The following IPO11 variants were observed in gnomAD, a reference collection of about 807,000 sequenced individuals.
IPO11 encodes the protein importin 11, also known as importin-11.
A neutral mutation model predicts 143.2 loss-of-function variants in IPO11; 66 were observed. The observed-to-expected ratio is 0.46, with a 90% confidence interval of 0.38 to 0.57. The LOEUF is 0.57. Ranked by LOEUF, IPO11 falls within the 20% of genes least tolerant of loss-of-function variation. The probability of loss-of-function intolerance (pLI) is 0.00; values close to 1 mark genes in which losing one functional copy is unlikely to be tolerated. For synonymous variants in IPO11, 385 were observed against 377.8 expected, an observed-to-expected ratio of 1.02 and a Z score of -0.22; for missense variants, 1,026 against 1,141.0, an observed-to-expected ratio of 0.90 and a Z score of 1.45.
In IPO11 at chr5:62,529,734, T is replaced by C. The variant is rs769730893; in HGVS notation, c.2013-975T>C. On this transcript the variant is annotated intron_variant, in intron 21 of 29. Coordinates refer to ENST00000325324, the MANE Select transcript of IPO11 (RefSeq NM_016338.5). ...ATCAGGTTATTCCTTAGTTTTTAGT[T>C]TTTATAGCCAGTATTAGATTTTGAA... Among the ~76,000 whole-genome samples, 110 of 152,168 alleles carry C rather than the reference T, an allele frequency of 7.2e-4. 1 individual carries two copies. Among genetic ancestry groups the C allele is most frequent in the Non-Finnish European group, 1.4e-3 (96 of 68,034 alleles).
chr5:62,589,417 C>T (rs921510352), intron 27 of IPO11, among the ~76,000 whole-genome samples: 6 of 152,084 alleles, frequency 3.9e-5, no homozygotes, highest in South Asian at 2.1e-4. Context: ...TGGATTGAGC[C>T]GAAGTCACCA....
In IPO11 at chr5:62,454,799, A is replaced by G. The variant is rs114373089; in HGVS notation, c.516+2866A>G. On this transcript the variant is annotated intron_variant, in intron 5 of 29. Transcript: ENST00000325324. Reference sequence around the variant, plus strand: ...TACTGCATGGTCTGAAAGAGTACACATAATGATTGATGCTCAATAACTGTT... The same window carrying G: ...TACTGCATGGTCTGAAAGAGTACACGTAATGATTGATGCTCAATAACTGTT... Among the ~76,000 whole-genome samples the G allele has an allele frequency of 6.6e-5, 10 of 152,342 alleles. No individual in the cohort carries two copies. The East Asian group carries it at 7.7e-4, about 12-fold the overall frequency.
rs1402824860 is a variant in IPO11, at chr5:62,508,180, GC to G, written c.1782+1824del. Among the ~76,000 whole-genome samples the G allele has an allele frequency of 6.6e-5, 10 of 152,230 alleles. No individual in the cohort carries two copies. The East Asian group carries it at 1.9e-3, about 29-fold the overall frequency. ...CTTGCTCTCCCCCCCGGGCTGGAGT[GC>G]AGTGGCGCATCTCAGCTGACTGTAC... On this transcript the variant is annotated intron_variant, in intron 19 of 29. Transcript: ENST00000325324.
chr5:62,435,110 G>GTA (rs1313698232), intron 1 of IPO11, among the ~76,000 whole-genome samples: 5,615 of 64,428 alleles, frequency 0.087, 371 homozygotes, highest in African/African-American at 0.12. Flanking sequence ...GTATATATAT[G>GTA]TATATATGTA....
chr5:62,540,799 G>A (rs980707776), intron 24 of IPO11, among the ~76,000 whole-genome samples: 1 of 152,190 alleles, frequency 6.6e-6, no homozygotes, highest in Non-Finnish European at 1.5e-5. Context: ...CATGTAATAA[G>A]TGAATATAAG....
intron 1 of IPO11, among the ~76,000 whole-genome samples, chr5:62,419,489 G>A (rs1197070297): frequency 1.3e-5 from 2 of 152,104 alleles, no homozygotes; most frequent in Non-Finnish European, 1.5e-5. Flanking sequence ...ATTAACTCAG[G>A]TACACACAAG....
rs367843719 is a variant in IPO11 at position 62,467,325 on chromosome 5, G to A, written c.649+62G>A. 223 of 1,510,640 alleles carry A rather than the reference G, an allele frequency of 1.5e-4. 1 individual carries two copies. In the East Asian group the frequency reaches 3.4e-3, roughly 23 times the overall value. 93.6% of individuals were successfully genotyped at this position (1,510,640 alleles called of 1,614,324 possible). A position where few individuals can be genotyped will look rare whatever the true frequency, so the allele number is the denominator to read the frequency against. ...GATACCTCAGAACAGTCACCAAATA[G>A]TTCCTTTAGACGGGTTTTCTGTTCC... On this transcript the variant is annotated intron_variant, in intron 6 of 29. Transcript: ENST00000325324.
intron 5 of IPO11, among the ~76,000 whole-genome samples, chr5:62,462,362 ATTC>A (rs1467215291): frequency 6.6e-6 from 1 of 151,778 alleles, no homozygotes; most frequent in Non-Finnish European, 1.5e-5. Flanking sequence ...GGTACTTTTT[ATTC>A]TTTGTTTTGT....
intron 24 of IPO11, 88 bp from the exon 25 acceptor site, chr5:62,550,279 C>A: frequency 2.0e-6 from 2 of 987,114 alleles, no homozygotes; most frequent in Non-Finnish European, 3.1e-6. Context: ...GTCTGTGATA[C>A]TTATTTTAGT....
Position 62,598,387 on chromosome 5 carries a change from G to GCTTTCTTTCTTTCTTT in IPO11, c.2679-3374_2679-3373insTCTTTCTTTCTTTCTT, listed in dbSNP as rs1561380373. On this transcript the variant is annotated intron_variant, in intron 28 of 29. Coordinates refer to ENST00000325324, the MANE Select transcript of IPO11 (RefSeq NM_016338.5). ...CGACCCATAAATTGTTTGCTTGCTT[G>GCTTTCTTTCTTTCTTT]CTTGCTTTCTTTCTTTCTTTCTTTC... Among the ~76,000 whole-genome samples the GCTTTCTTTCTTTCTTT allele has an allele frequency of 2.8e-4, 10 of 36,224 alleles. 2 individuals carry two copies. Among genetic ancestry groups the GCTTTCTTTCTTTCTTT allele is most frequent in the Admixed American group, 1.5e-3 (4 of 2,726 alleles). 23.8% of individuals were successfully genotyped at this position (36,224 alleles called of 152,430 possible). A position where few individuals can be genotyped will look rare whatever the true frequency, so the allele number is the denominator to read the frequency against.
chr5:62,447,591 CT>C (rs543600533), intron 3 of IPO11, among the ~76,000 whole-genome samples: 1,900 of 142,984 alleles, frequency 0.013, 12 homozygotes, highest in Non-Finnish European at 0.02. Flanking sequence ...TTTTTTTATT[CT>C]TTTTTTTTTT....
intron 27 of IPO11, chr5:62,578,965 T>C (rs1195942904): frequency 2.5e-5 from 6 of 242,652 alleles, no homozygotes; most frequent in African/African-American, 1.4e-4. Context: ...TATGAACTTC[T>C]AGCTGACATG....
At position 62,592,077 on chromosome 5, in the gene IPO11, C is replaced by T. The variant is rs939970312; in HGVS notation, c.2678+405C>T. ...GTTGGTCAGGGTGGTCTTGAACTCC[C>T]GACCTCAAGTGATCTGCCTGCCTCT... On this transcript the variant is annotated intron_variant, in intron 28 of 29. Transcript: ENST00000325324. Among the ~76,000 whole-genome samples, 9 of 152,134 alleles carry T rather than the reference C, an allele frequency of 5.9e-5. No individual in the cohort carries two copies. The East Asian group carries it at 9.7e-4, about 16-fold the overall frequency.
chr5:62,559,154 G>A (rs2112362393), intron 26 of IPO11, among the ~76,000 whole-genome samples: 1 of 152,278 alleles, frequency 6.6e-6, no homozygotes, highest in South Asian at 2.1e-4. Flanking sequence ...TGCTGTAGGT[G>A]TGGGTGGCTG....
At chr5:62,421,797 A>G (rs1323191906) in intron 1 of IPO11, among the ~76,000 whole-genome samples, 2 of 152,252 alleles carry the variant, frequency 1.3e-5, no homozygotes, top group African/African-American at 2.4e-5. Context: ...ATTACTTGGC[A>G]TACAGCACAT....
intron 1 of IPO11, among the ~76,000 whole-genome samples, chr5:62,436,662 A>T (rs1275416320): frequency 6.6e-6 from 1 of 152,130 alleles, no homozygotes; most frequent in Non-Finnish European, 1.5e-5. Context: ...ATCCTTTCTG[A>T]CTTAGGTTTT....
intron 27 of IPO11, chr5:62,561,733 C>T: frequency 6.6e-6 from 1 of 152,156 alleles, no homozygotes; most frequent in African/African-American, 2.4e-5. Context: ...ACTTCTCACT[C>T]CCATAAAGCA....
chr5:62,465,932 A>G (rs1745559671), intron 5 of IPO11, among the ~76,000 whole-genome samples: 2 of 152,238 alleles, frequency 1.3e-5, no homozygotes, highest in Admixed American at 1.3e-4. Flanking sequence ...TGGGATGCCT[A>G]ATTGCTGAGA....
chr5:62,618,525 TAAAA>T (rs1746225181), intron 29 of IPO11, among the ~76,000 whole-genome samples: 2 of 152,100 alleles, frequency 1.3e-5, no homozygotes, highest in African/African-American at 4.8e-5. Flanking sequence ...TTCTTCTTCT[TAAAA>T]AACCCACAGA....
Sources: allele counts gnomAD v4.1 joint callset (sites outside exome capture counted in the v4.1 genomes callset), GRCh38; gene constraint gnomAD v4.1.1; transcripts MANE v1.5; gene names NCBI Gene and HGNC (gene_info 2026-07-23, HGNC 2026-07-21).